Variants in STAU2 observed in about 807,000 individuals in gnomAD.
STAU2 encodes the protein double-stranded RNA-binding protein Staufen homolog 2.
STAU2 carries 20 observed loss-of-function variants against 65.9 expected under a neutral mutation model. The observed-to-expected ratio is 0.30, with a 90% CI of 0.21 to 0.44. The LOEUF is 0.44. STAU2 is among the 20% of genes least tolerant of loss of function. STAU2 has a pLI of 1.00. For synonymous variants in STAU2, 232 were observed against 233.9 expected (o/e 0.99, Z 0.07); for missense variants, 558 against 683.9 (o/e 0.82, Z 2.05).
intron 6 of STAU2, among the ~76,000 whole-genome samples, chr8:73,665,712 C>G (rs188346485): frequency 6.6e-6 from 1 of 152,224 alleles, no homozygotes; most frequent in Admixed American, 6.5e-5. Flanking sequence ...ACTGCTGGTA[C>G]AAATACAGTC....
chr8:73,550,518 A>T (rs1807257790), intron 13 of STAU2: 8 of 986,216 alleles, frequency 8.1e-6, no homozygotes, highest in Non-Finnish European at 8.4e-6. Flanking sequence ...GACATTTCTA[A>T]ATGATTAGAT....
chr8:73,521,293 A>C (rs1275360860), intron 13 of STAU2, among the ~76,000 whole-genome samples: 4 of 152,190 alleles, frequency 2.6e-5, no homozygotes, highest in Non-Finnish European at 5.9e-5. Context: ...CCTGACTTGA[A>C]TCCTAGTCAA....
chr8:73,446,817 CTATT>C (rs1482744193), intron 13 of STAU2, among the ~76,000 whole-genome samples: 2 of 152,042 alleles, frequency 1.3e-5, no homozygotes, highest in African/African-American at 4.8e-5. Context: ...GTGTTTAAGA[CTATT>C]TAAATGTTAA....
intron 6 of STAU2, among the ~76,000 whole-genome samples, chr8:73,655,939 C>T (rs1053932761): frequency 6.1e-5 from 9 of 148,338 alleles, no homozygotes; most frequent in African/African-American, 2.5e-5. Flanking sequence ...TGAGCCACTG[C>T]GCTGGGCTAA....
intron 10 of STAU2, among the ~76,000 whole-genome samples, chr8:73,599,665 C>G (rs1489063226): frequency 6.6e-6 from 1 of 152,134 alleles, no homozygotes; most frequent in African/African-American, 2.4e-5. Context: ...TCATCTGTCC[C>G]AGAACATACA....
At chr8:73,579,749 T>A (rs1006088211) in intron 12 of STAU2, among the ~76,000 whole-genome samples, 2 of 152,160 alleles carry the variant, frequency 1.3e-5, no homozygotes, top group African/African-American at 4.8e-5. Context: ...CTTAGAATAG[T>A]CTACCTTCTG....
chr8:73,593,394 A>G (rs1396190378), intron 11 of STAU2, among the ~76,000 whole-genome samples: 1 of 152,212 alleles, frequency 6.6e-6, no homozygotes, highest in Non-Finnish European at 1.5e-5. Flanking sequence ...TAGTTTTGTT[A>G]TATGGTTAAA....
At chr8:73,558,852 C>T (rs1008644441) in intron 12 of STAU2, among the ~76,000 whole-genome samples, 12 of 152,032 alleles carry the variant, frequency 7.9e-5, no homozygotes, top group Admixed American at 4.6e-4. Context: ...CTTGAATTTA[C>T]GCCTCAACAA....
intron 6 of STAU2, among the ~76,000 whole-genome samples, chr8:73,647,882 G>A (rs79187416): frequency 0.018 from 2,734 of 152,250 alleles, 28 homozygotes; most frequent in South Asian, 0.033. Flanking sequence ...ATGCCTGGCC[G>A]AGTTCTGCAT....
At chr8:73,641,487 A>G (rs1814965104) in intron 6 of STAU2, among the ~76,000 whole-genome samples, 3 of 152,184 alleles carry the variant, frequency 2.0e-5, no homozygotes, top group African/African-American at 7.2e-5. Flanking sequence ...ATTATAGCTT[A>G]CCCTTTAACT....
intron 12 of STAU2, among the ~76,000 whole-genome samples, chr8:73,569,138 CA>C (rs1241179695): frequency 6.6e-6 from 1 of 152,136 alleles, no homozygotes; most frequent in Admixed American, 6.5e-5. Flanking sequence ...ACGGTCTTAG[CA>C]AACGGCACAC....
intron 3 of STAU2, among the ~76,000 whole-genome samples, chr8:73,710,701 C>T (rs1335449515): frequency 1.3e-5 from 2 of 151,870 alleles, no homozygotes; most frequent in Admixed American, 6.6e-5. Context: ...TTTATAGACA[C>T]ATTTAATTAC....
intron 11 of STAU2, among the ~76,000 whole-genome samples, chr8:73,591,488 T>C (rs1055216984): frequency 2.0e-5 from 3 of 152,050 alleles, no homozygotes; most frequent in African/African-American, 7.2e-5. Context: ...AAGAAACCAA[T>C]TTAAAGATAG....
intron 13 of STAU2, among the ~76,000 whole-genome samples, chr8:73,523,763 T>C (rs1823191248): frequency 6.6e-6 from 1 of 152,104 alleles, no homozygotes. Context: ...ACTGATGAAC[T>C]GGAAAGTGGG....
chr8:73,523,850 T>C (rs1317242350), intron 13 of STAU2, among the ~76,000 whole-genome samples: 1 of 152,122 alleles, frequency 6.6e-6, no homozygotes, highest in African/African-American at 2.4e-5. Flanking sequence ...TTGCATTTTA[T>C]AGGAGGTGTG....
At chr8:73,705,649 A>G (rs1466375091) in intron 4 of STAU2, among the ~76,000 whole-genome samples, 2 of 152,238 alleles carry the variant, frequency 1.3e-5, no homozygotes, top group Non-Finnish European at 2.9e-5. Flanking sequence ...TCCCATTATT[A>G]TAAGGTATAC....
At chr8:73,508,880 C>T (rs1410902880) in intron 13 of STAU2, among the ~76,000 whole-genome samples, 1 of 152,132 alleles carries the variant, frequency 6.6e-6, no homozygotes, top group Non-Finnish European at 1.5e-5. Context: ...GGATAAATGA[C>T]ATTTTGGTTA....
intron 12 of STAU2, among the ~76,000 whole-genome samples, chr8:73,555,549 A>G (rs1807680688): frequency 6.6e-6 from 1 of 152,170 alleles, no homozygotes; most frequent in Non-Finnish European, 1.5e-5. Context: ...GAGAAACAAC[A>G]ACAACAAAAA....
At position 73,583,490 on chromosome 8, in the gene STAU2, A is replaced by T. The variant is rs183480437; in HGVS notation, c.1162-660T>A. Among the ~76,000 whole-genome samples the T allele has an allele frequency of 3.4e-3, 513 of 152,216 alleles. 1 individual carries two copies. The highest frequency in any genetic ancestry group is 5.1e-3 in the Non-Finnish European group (350 of 67,996). On this transcript the variant is annotated intron_variant, in intron 11 of 14. Coordinates refer to ENST00000524300, the MANE Select transcript of STAU2 (RefSeq NM_001164380.2). ...AATAGTAAATAATAATCATCACCAC[A>T]AATGCTTAAGTGACCAAAAGAGCTT...
Sources: gnomAD v4.1 joint callset for allele counts (sites outside exome capture counted in the v4.1 genomes callset) on GRCh38, gnomAD v4.1.1 for gene constraint, MANE v1.5 for transcripts, NCBI Gene and HGNC (gene_info 2026-07-23, HGNC 2026-07-21) for gene names.